TNRC6C: variants seen among roughly 807,000 people sequenced by gnomAD.
TNRC6C encodes trinucleotide repeat containing adaptor 6C.
In TNRC6C, 20 loss-of-function variants were observed where a neutral mutation model predicts 153.7. That is an observed-to-expected ratio of 0.13 (90% CI 0.09 to 0.19). TNRC6C has a LOEUF of 0.19. Ranked by LOEUF, TNRC6C falls within the 10% of genes least tolerant of loss-of-function variation. The pLI is 1.00. For synonymous variants in TNRC6C, 811 were observed against 841.4 expected (o/e 0.96, Z 0.63); for missense variants, 1,987 against 2,172.0 (o/e 0.91, Z 1.69).
chr17:78,021,728 C>A (rs1255587314), intron 1 of TNRC6C, among the ~76,000 whole-genome samples: 1 of 152,108 alleles, frequency 6.6e-6, no homozygotes, highest in African/African-American at 2.4e-5. Context: ...TGCCACCATG[C>A]CCAGCTAATT....
intron 8 of TNRC6C, 69 bp from the exon 11 acceptor site, chr17:78,077,116 G>T: frequency 1.3e-6 from 2 of 1,509,850 alleles, no homozygotes; most frequent in South Asian, 1.3e-5. Context: ...CTGTTTCCTT[G>T]GGAAACTGTT....
At chr17:77,963,434 T>C (rs1306328901) in intron 1 of TNRC6C, among the ~76,000 whole-genome samples, 1 of 152,260 alleles carries the variant, frequency 6.6e-6, no homozygotes, top group Non-Finnish European at 1.5e-5. Flanking sequence ...GTTTTACATG[T>C]TTAAAACATG....
At chr17:77,996,331 G>A (rs1000053833) in intron 1 of TNRC6C, among the ~76,000 whole-genome samples, 2 of 152,116 alleles carry the variant, frequency 1.3e-5, no homozygotes, top group Non-Finnish European at 1.5e-5. Flanking sequence ...AAAAAAAGAG[G>A]AACATTTGGA....
chr17:77,987,457 A>C (rs1165512337), intron 1 of TNRC6C, among the ~76,000 whole-genome samples: 2 of 152,218 alleles, frequency 1.3e-5, no homozygotes, highest in Non-Finnish European at 2.9e-5. Context: ...CTTTTGTTTT[A>C]GGAAGTCTGT....
chr17:78,106,602 C>G (rs1456915758), exon 20 of TNRC6C: 1 of 148,606 alleles, frequency 6.7e-6, no homozygotes, highest in Non-Finnish European at 1.5e-5. Flanking sequence ...AGAAAAATAC[C>G]TAATCTCTAA....
rs144459254 is a variant in TNRC6C at position 78,015,691 on chromosome 17, C to T, written c.-546+10612C>T. 8.0e-3 allele frequency among the ~76,000 whole-genome samples: 1,223 copies of T among 152,284 alleles called. 19 individuals are homozygous for T. Among genetic ancestry groups the T allele is most frequent in the African/African-American group, 0.027 (1,133 of 41,548 alleles). On this transcript the variant is annotated intron_variant, in intron 1 of 19. Coordinates refer to ENST00000301624, the Ensembl canonical transcript of TNRC6C. ...CTTTGGGAGGCCGAGGTGGGCGGAT[C>T]ACCTGAGGTCAGGAGTTCCAGACCA...
chr17:78,108,479 C>A (rs2073748896), exon 20 of TNRC6C: 1 of 153,312 alleles, frequency 6.5e-6, no homozygotes, highest in African/African-American at 2.5e-5. Context: ...TGAGTTACTA[C>A]TACAGGGGCA....
chr17:78,018,614 C>CT (rs1567917911), intron 1 of TNRC6C, among the ~76,000 whole-genome samples: 1 of 152,152 alleles, frequency 6.6e-6, no homozygotes, highest in East Asian at 1.9e-4. Context: ...CCGTGCTTTC[C>CT]TTTTTTTGCA....
At chr17:78,071,061 C>A in intron 5 of TNRC6C, 24 bp from the exon 8 acceptor site, 1 of 1,582,134 alleles carries the variant, frequency 6.3e-7, no homozygotes, top group Non-Finnish European at 8.6e-7. Flanking sequence ...CATGGACTTC[C>A]CCCTTTCCCA....
intron 1 of TNRC6C, among the ~76,000 whole-genome samples, chr17:77,986,367 C>A (rs779220641): frequency 1.3e-5 from 2 of 149,022 alleles, no homozygotes; most frequent in South Asian, 2.1e-4. Context: ...GAGCCGAGAT[C>A]GCGCCATTGC....
intron 11 of TNRC6C, among the ~76,000 whole-genome samples, chr17:78,085,567 ACAGT>A (rs772296111): frequency 6.6e-6 from 1 of 152,160 alleles, no homozygotes; most frequent in Non-Finnish European, 1.5e-5. Context: ...ACATTTCAAA[ACAGT>A]CAAATGACCA....
intron 1 of TNRC6C, among the ~76,000 whole-genome samples, chr17:77,984,031 A>G (rs967659823): frequency 1.3e-5 from 2 of 152,214 alleles, no homozygotes; most frequent in African/African-American, 4.8e-5. Context: ...ATGGAAGCCA[A>G]GTAGCCAAAG....
chr17:77,962,431 G>A (rs576099387), intron 1 of TNRC6C, among the ~76,000 whole-genome samples: 6 of 152,272 alleles, frequency 3.9e-5, no homozygotes, highest in South Asian at 4.1e-4. Context: ...AGGCTGTCCC[G>A]TATACCAAAG....
intron 2 of TNRC6C, among the ~76,000 whole-genome samples, chr17:78,042,303 G>A (rs1411186415): frequency 6.6e-6 from 1 of 151,974 alleles, no homozygotes; most frequent in Non-Finnish European, 1.5e-5. Context: ...ATGTTGTGGT[G>A]GGAAGAGCAC....
intron 1 of TNRC6C, among the ~76,000 whole-genome samples, chr17:77,966,355 G>A (rs1252235562): frequency 6.6e-6 from 1 of 152,168 alleles, no homozygotes; most frequent in Non-Finnish European, 1.5e-5. Context: ...GAGGTATGGT[G>A]TTAAAACTGG....
chr17:78,022,233 A>G (rs139151790), intron 1 of TNRC6C, among the ~76,000 whole-genome samples: 92 of 152,328 alleles, frequency 6.0e-4, no homozygotes, highest in African/African-American at 2.0e-3. Flanking sequence ...GTGGAAAGGG[A>G]AGACTGGTTA....
chr17:78,084,866 A>T (rs988603989), intron 11 of TNRC6C, among the ~76,000 whole-genome samples: 1 of 152,124 alleles, frequency 6.6e-6, no homozygotes, highest in Admixed American at 6.5e-5. Context: ...TCCTTACCTC[A>T]GGTGATCCTC....
intron 1 of TNRC6C, among the ~76,000 whole-genome samples, chr17:78,014,187 C>T (rs550665030): frequency 2.2e-4 from 33 of 152,246 alleles, no homozygotes; most frequent in African/African-American, 7.5e-4. Context: ...TAGGATTTGC[C>T]ATTTGTTCTG....
intron 3 of TNRC6C, among the ~76,000 whole-genome samples, chr17:78,054,066 A>G (rs892838887): frequency 4.6e-5 from 7 of 152,220 alleles, no homozygotes; most frequent in South Asian, 2.1e-4. Context: ...CTCCTAGGCT[A>G]CAAACCTGCA....
Sources: allele counts gnomAD v4.1 joint callset (sites outside exome capture counted in the v4.1 genomes callset), GRCh38; gene constraint gnomAD v4.1.1; transcripts MANE v1.5; gene names NCBI Gene and HGNC (gene_info 2026-07-23, HGNC 2026-07-21).